APAF1: variants seen among roughly 807,000 people sequenced by gnomAD.
APAF1 encodes apoptotic protease-activating factor 1.
In APAF1, 91 loss-of-function variants were observed where a neutral mutation model predicts 152.4. The observed-to-expected ratio is 0.60, with a 90% CI of 0.50 to 0.71. The LOEUF is 0.71. Ranked by LOEUF, APAF1 falls within the 30% of genes least tolerant of loss-of-function variation. The pLI, the probability that APAF1 is intolerant of heterozygous loss-of-function variation, is 0.00. For synonymous variants in APAF1, 484 were observed against 494.1 expected, an observed-to-expected ratio of 0.98 and a Z score of 0.27; for missense variants, 1,283 against 1,472.0, an observed-to-expected ratio of 0.87 and a Z score of 2.10.
chr12:98,712,660 G>A (rs1046382839), intron 21 of APAF1: 17 of 503,446 alleles, frequency 3.4e-5, no homozygotes, highest in Admixed American at 6.7e-5. Context: ...GGGACTAAAG[G>A]TGTACGTCAC....
intron 4 of APAF1, among the ~76,000 whole-genome samples, chr12:98,658,859 C>G (rs1408371081): frequency 1.3e-5 from 2 of 152,212 alleles, no homozygotes; most frequent in African/African-American, 2.4e-5. Flanking sequence ...GGTTTAGAAA[C>G]TGTGCTGTGC....
In APAF1 at chr12:98,671,064, A is replaced by G. The variant is rs746887648; in HGVS notation, c.1586A>G (p.Tyr529Cys). The change falls in exon 11 of 27, where the codon TAC becomes TGC. Residue 529 changes from tyrosine (Y) to cysteine (C), a missense_variant. Coordinates refer to ENST00000551964, the MANE Select transcript of APAF1 (RefSeq NM_181861.2). ...CATCTGATTCATGAATTTGTGGAAT[A>G]CAGACATATACTAGATGAAAAGGTA... is the stretch of plus-strand genomic sequence containing the variant. ...PAHLIHEFVE[Y>C]RHILDEKDCA... is the part of the protein sequence containing the mutation. The G allele has an allele frequency of 6.2e-7, 1 of 1,603,744 alleles. No homozygotes were observed. Among genetic ancestry groups the G allele is most frequent in the Non-Finnish European group, 8.5e-7 (1 of 1,171,268 alleles).
At chr12:98,694,372 C>T (rs936710182) in intron 16 of APAF1, among the ~76,000 whole-genome samples, 1 of 152,156 alleles carries the variant, frequency 6.6e-6, no homozygotes, top group African/African-American at 2.4e-5. Flanking sequence ...GAAACTTATC[C>T]TTCAGTTCTG....
At chr12:98,719,731 C>T (rs2097739807) in intron 22 of APAF1, among the ~76,000 whole-genome samples, 1 of 152,076 alleles carries the variant, frequency 6.6e-6, no homozygotes, top group Admixed American at 6.6e-5. Context: ...TGCTTTCCAG[C>T]CTCCCACATT....
chr12:98,723,226 C>A lies in APAF1; in HGVS notation c.3118C>A (p.Leu1040Ile). 1 of 1,613,530 alleles carries A rather than the reference C, an allele frequency of 6.2e-7. No individual in the cohort carries two copies. The change falls in exon 23 of 27, where the codon CTA becomes ATA. Residue 1040 changes from leucine (L) to isoleucine (I), a missense_variant. Transcript: ENST00000551964. ...TTGGCAATTGGACAAATGTATCTTT[C>A]TACGAGGCCATCAGGAAACAGTGAA... ...WNWQLDKCIF[L>I]RGHQETVKDF...
chr12:98,659,794 C>G (rs1208868524), intron 5 of APAF1, among the ~76,000 whole-genome samples: 1 of 144,340 alleles, frequency 6.9e-6, no homozygotes, highest in Non-Finnish European at 1.5e-5. Flanking sequence ...AAAGAAAGAA[C>G]CATTGCTTTC....
chr12:98,677,320 G>T, intron 12 of APAF1, 105 bp from the exon 13 acceptor site: 1 of 1,159,320 alleles, frequency 8.6e-7, no homozygotes, highest in South Asian at 1.3e-5. Context: ...TTTGTATTTT[G>T]GGGAACATAA....
intron 7 of APAF1, among the ~76,000 whole-genome samples, chr12:98,665,279 T>TATATATATATATATA (rs1491328899): frequency 1.2e-4 from 8 of 65,576 alleles, no homozygotes; most frequent in African/African-American, 2.2e-4. Flanking sequence ...TATATATATA[T>TATATATATATATATA]TTTTTTTTTT....
At position 98,666,391 on chromosome 12, in the gene APAF1, T is replaced by C. The variant is rs770877630; in HGVS notation, c.1362+34T>C. 2.5e-6 allele frequency: 4 copies of C among 1,597,590 alleles called. No homozygotes were observed. In the African/African-American group the frequency reaches 4.1e-5, roughly 16 times the overall value. On this transcript the variant is annotated intron_variant, in intron 9 of 26. Transcript: ENST00000551964. Reference sequence around the variant, plus strand: ...ATCTTGGTTTACTTTTTTTTTTCCTTTTTCCTTTGAAATAATTTTAGATTT... The same window carrying C: ...ATCTTGGTTTACTTTTTTTTTTCCTCTTTCCTTTGAAATAATTTTAGATTT...
At chr12:98,659,450 G>T (rs2097661958) in intron 5 of APAF1, 107 bp downstream of exon 5, 1 of 1,229,474 alleles carries the variant, frequency 8.1e-7, no homozygotes, top group African/African-American at 1.5e-5. Flanking sequence ...TCTATAGGGA[G>T]GATAAGAGAG....
intron 17 of APAF1, among the ~76,000 whole-genome samples, chr12:98,702,226 C>T (rs185811596): frequency 3.5e-4 from 54 of 152,126 alleles, no homozygotes; most frequent in Admixed American, 7.2e-4. Flanking sequence ...CCACCGCGCC[C>T]GGCTAATTTT....
rs1202679352 is a variant in APAF1, at chr12:98,684,513, C to G, written c.2178+1239C>G. Among the ~76,000 whole-genome samples, 3 of 148,412 alleles carry G rather than the reference C, an allele frequency of 2.0e-5. No individual in the cohort carries two copies. In the Admixed American group the frequency reaches 2.0e-4, roughly 10 times the overall value. On this transcript the variant is annotated intron_variant, in intron 15 of 26. Coordinates refer to ENST00000551964, the MANE Select transcript of APAF1 (RefSeq NM_181861.2). ...TCCTCCCTCCTCCTCCCCCCACCCCCCCTCTCATTCTCTCTCATTCCCTTT... is the reference window on the plus strand; with the variant it reads ...TCCTCCCTCCTCCTCCCCCCACCCCGCCTCTCATTCTCTCTCATTCCCTTT...
chr12:98,662,037 T>C (rs1307775723), intron 5 of APAF1, among the ~76,000 whole-genome samples: 1 of 152,114 alleles, frequency 6.6e-6, no homozygotes, highest in African/African-American at 2.4e-5. Context: ...TGGTCACATA[T>C]CATCATTATT....
intron 15 of APAF1, among the ~76,000 whole-genome samples, chr12:98,684,101 G>T (rs2097695338): frequency 6.6e-6 from 1 of 152,008 alleles, no homozygotes; most frequent in South Asian, 2.1e-4. Context: ...TGATATTTTT[G>T]AGAGGGGTAG....
rs1219076439 is a variant in APAF1, at chr12:98,715,563, G to A, written c.3084+11G>A. 3.7e-6 allele frequency: 6 copies of A among 1,612,978 alleles called. No individual in the cohort carries two copies. The highest frequency in any genetic ancestry group is 4.2e-6 in the Non-Finnish European group (5 of 1,179,462). On this transcript the variant is annotated intron_variant, in intron 22 of 26. Coordinates refer to ENST00000551964, the MANE Select transcript of APAF1 (RefSeq NM_181861.2). ...GATGCTGAAATTCAGGTGAGAGGGAGGATGAACTCTTAACATATTTAATGC... is the reference window on the plus strand; with the variant it reads ...GATGCTGAAATTCAGGTGAGAGGGAAGATGAACTCTTAACATATTTAATGC...
intron 4 of APAF1, among the ~76,000 whole-genome samples, chr12:98,655,890 T>C (rs2097656882): frequency 6.6e-6 from 1 of 151,820 alleles, no homozygotes; most frequent in Admixed American, 6.6e-5. Context: ...TTCACACCAT[T>C]CTCCTGCCCC....
chr12:98,708,827 C>T (rs1409823597), intron 20 of APAF1, 123 bp downstream of exon 20: 13 of 905,696 alleles, frequency 1.4e-5, no homozygotes, highest in African/African-American at 3.4e-5. Flanking sequence ...GTCCAGCAGA[C>T]ATTAGTTAAA....
chr12:98,660,948 C>A (rs868249703), intron 5 of APAF1, among the ~76,000 whole-genome samples: 3 of 152,046 alleles, frequency 2.0e-5, no homozygotes, highest in East Asian at 3.9e-4. Flanking sequence ...GATGCATATT[C>A]GTTATATTTT....
intron 26 of APAF1, among the ~76,000 whole-genome samples, chr12:98,728,020 G>C (rs1455438810): frequency 1.3e-5 from 2 of 151,368 alleles, no homozygotes; most frequent in African/African-American, 2.4e-5. Context: ...GAAAAAAAAA[G>C]GCAGTTACTA....
Sources: gnomAD v4.1 joint callset for allele counts (sites outside exome capture counted in the v4.1 genomes callset) on GRCh38, gnomAD v4.1.1 for gene constraint, MANE v1.5 for transcripts, NCBI Gene and HGNC (gene_info 2026-07-23, HGNC 2026-07-21) for gene names.